The following OR6N1 variants were observed in gnomAD, a reference collection of about 807,000 sequenced individuals.
OR6N1 encodes olfactory receptor family 6 subfamily N member 1, also known as olfactory receptor 6N1.
For synonymous variants in OR6N1, 170 were observed against 150.7 expected (o/e 1.13, Z -0.94); for missense variants, 394 against 371.7 (o/e 1.06, Z -0.49).
chr1:158,781,596 C>T, the OR6N1 span, among the ~76,000 whole-genome samples: 1 of 152,204 alleles, frequency 6.6e-6, no homozygotes, highest in Non-Finnish European at 1.5e-5. Flanking sequence ...CATTTCTTGA[C>T]TCACCTCCGA....
the OR6N1 span, among the ~76,000 whole-genome samples, chr1:158,823,175 T>C: frequency 1.2e-4 from 18 of 152,314 alleles, no homozygotes; most frequent in Non-Finnish European, 2.4e-4. Context: ...TATTTCTTTT[T>C]TGTTGCATCT....
At chr1:158,818,929 C>T in the OR6N1 span, among the ~76,000 whole-genome samples, 2 of 152,116 alleles carry the variant, frequency 1.3e-5, no homozygotes, top group Non-Finnish European at 2.9e-5. Flanking sequence ...GGCAAATCCT[C>T]CCACAAAACT....
upstream of OR6N1, chr1:158,777,137 G>C: frequency 6.2e-7 from 1 of 1,614,116 alleles, no homozygotes; most frequent in Non-Finnish European, 8.5e-7. Flanking sequence ...GCACAAAATG[G>C]GAGCTGGGAG....
chr1:158,830,360 C>T, the OR6N1 span, among the ~76,000 whole-genome samples: 1 of 152,108 alleles, frequency 6.6e-6, no homozygotes, highest in Non-Finnish European at 1.5e-5. Flanking sequence ...GTTTCCAAAT[C>T]CAAACTTTAA....
At chr1:158,802,821 G>C in the OR6N1 span, among the ~76,000 whole-genome samples, 2 of 151,916 alleles carry the variant, frequency 1.3e-5, no homozygotes, top group African/African-American at 4.8e-5. Context: ...TATTACCCAG[G>C]CATCTTCATG....
At chr1:158,790,205 G>T in the OR6N1 span, among the ~76,000 whole-genome samples, 2 of 152,112 alleles carry the variant, frequency 1.3e-5, no homozygotes, top group East Asian at 1.9e-4. Flanking sequence ...TGTATCTGTT[G>T]TTATGTCAGT....
the OR6N1 span, among the ~76,000 whole-genome samples, chr1:158,800,354 T>A: frequency 3.9e-5 from 6 of 152,320 alleles, no homozygotes; most frequent in South Asian, 1.2e-3. Context: ...AGGATTTGAT[T>A]TCTACTATTT....
chr1:158,790,945 A>G, the OR6N1 span, among the ~76,000 whole-genome samples: 1 of 152,266 alleles, frequency 6.6e-6, no homozygotes, highest in South Asian at 2.1e-4. Context: ...TGTTCCTTCT[A>G]TGCCTAGTTT....
chr1:158,787,797 G>A, the OR6N1 span, among the ~76,000 whole-genome samples: 1 of 152,042 alleles, frequency 6.6e-6, no homozygotes, highest in African/African-American at 2.4e-5. Flanking sequence ...TATTTCTCCA[G>A]TGAAAACATC....
At chr1:158,806,280 A>C in the OR6N1 span, among the ~76,000 whole-genome samples, 1 of 152,196 alleles carries the variant, frequency 6.6e-6, no homozygotes, top group Non-Finnish European at 1.5e-5. Context: ...AGTTTATGAC[A>C]AGATAAATTT....
intron 1 of OR6N1, among the ~76,000 whole-genome samples, chr1:158,769,533 G>A (rs1657363436): frequency 6.6e-6 from 1 of 152,204 alleles, no homozygotes; most frequent in South Asian, 2.1e-4. Flanking sequence ...GAAATAAAAA[G>A]TATTTGAAGC....
At position 158,771,334 on chromosome 1, in the gene OR6N1, T is replaced by C. The variant is rs527237483; in HGVS notation, c.-19+687A>G. On this transcript the variant is annotated intron_variant, in intron 1 of 1. Transcript: ENST00000641846. ...TTTTGAAATTAATGAGGAAACTTCA[T>C]ACCATGTCCTACCTCCTAGAGTACT... Among the ~76,000 whole-genome samples, 59 of 152,310 alleles carry C rather than the reference T, an allele frequency of 3.9e-4. 1 individual carries two copies. Among genetic ancestry groups the C allele is most frequent in the Middle Eastern group, 6.8e-3 (2 of 294 alleles).
the OR6N1 span, among the ~76,000 whole-genome samples, chr1:158,785,125 C>G: frequency 2.0e-5 from 3 of 152,234 alleles, no homozygotes; most frequent in African/African-American, 7.2e-5. Flanking sequence ...ATTCAGTTCA[C>G]TTAATGAATA....
chr1:158,787,826 A>G, the OR6N1 span, among the ~76,000 whole-genome samples: 2 of 152,172 alleles, frequency 1.3e-5, no homozygotes, highest in South Asian at 2.1e-4. Flanking sequence ...ATTTAGGGAA[A>G]TACATATTCC....
At position 158,766,259 on chromosome 1, in the gene OR6N1, C is replaced by T. The variant is rs750835558; in HGVS notation, c.424G>A (p.Ala142Thr). The T allele has an allele frequency of 6.2e-7, 1 of 1,614,022 alleles. No homozygotes were observed. Among genetic ancestry groups the T allele is most frequent in the Non-Finnish European group, 8.5e-7 (1 of 1,180,006 alleles). Reference protein sequence around the residue: ...YPTLMTPTLCAEIAIGCWLGG... With the variant: ...YPTLMTPTLCTEIAIGCWLGG... ...AACCAACAGCCAATGGCAATCTCTG[C>T]ACAAAGTGTTGGGGTCATGAGGGTT... The change falls in exon 2 of 2, where the codon GCA (alanine) becomes ACA (threonine). Residue 142 changes from alanine (A) to threonine (T), a missense_variant. Physicochemically the swap from Ala to Thr is moderately conservative, Grantham distance 58. Coordinates refer to ENST00000641846, the MANE Select transcript of OR6N1 (RefSeq NM_001005185.2).
chr1:158,769,433 G>A (rs1657358107), intron 1 of OR6N1, among the ~76,000 whole-genome samples: 1 of 152,080 alleles, frequency 6.6e-6, no homozygotes. Flanking sequence ...AAAAGTGCTG[G>A]GATTACAGGC....
At chr1:158,770,621 G>T (rs1331963462) in intron 1 of OR6N1, among the ~76,000 whole-genome samples, 2 of 152,124 alleles carry the variant, frequency 1.3e-5, no homozygotes, top group Non-Finnish European at 2.9e-5. Context: ...TATCTGAAAT[G>T]TATTATATAT....
At chr1:158,793,965 A>T in the OR6N1 span, among the ~76,000 whole-genome samples, 3 of 152,078 alleles carry the variant, frequency 2.0e-5, no homozygotes, top group African/African-American at 7.2e-5. Context: ...TCTTCCACCC[A>T]CACTCCTAAG....
At chr1:158,769,465 G>T (rs1657361196) in intron 1 of OR6N1, among the ~76,000 whole-genome samples, 1 of 152,164 alleles carries the variant, frequency 6.6e-6, no homozygotes, top group Non-Finnish European at 1.5e-5. Flanking sequence ...TGCTTTGCCA[G>T]AAGATATAAT....
Sources: gnomAD v4.1 joint callset for allele counts (sites outside exome capture counted in the v4.1 genomes callset) on GRCh38, gnomAD v4.1.1 for gene constraint, MANE v1.5 for transcripts, NCBI Gene and HGNC (gene_info 2026-07-23, HGNC 2026-07-21) for gene names.